Variants in HSPA9 observed in about 807,000 individuals in gnomAD.
HSPA9 encodes the protein heat shock protein family A (Hsp70) member 9, also known as stress-70 protein, mitochondrial.
In HSPA9, 28 loss-of-function variants were observed where a neutral mutation model predicts 81.5. The ratio of observed to expected loss-of-function variants is 0.34; its 90% CI spans 0.25 to 0.47. The LOEUF (loss-of-function observed/expected upper bound fraction) is 0.47, where lower values mean the gene tolerates loss of function less well. HSPA9 is among the 20% of genes least tolerant of loss of function. HSPA9 has a pLI of 1.00. For missense variants in HSPA9, 678 were observed against 838.0 expected (o/e 0.81, Z 2.36); for synonymous variants, 293 against 290.4 (o/e 1.01, Z -0.09).
chr5:138,571,997 C>T (rs376818357), intron 3 of HSPA9, among the ~76,000 whole-genome samples: 2 of 139,352 alleles, frequency 1.4e-5, no homozygotes, highest in African/African-American at 5.6e-5. Flanking sequence ...CTCACTGTCA[C>T]CTAGGCTGGA....
chr5:138,561,085 G>A (rs768057642), intron 10 of HSPA9: 20 of 497,430 alleles, frequency 4.0e-5, no homozygotes, highest in South Asian at 2.9e-4. Context: ...TCAGAATGAT[G>A]TGTTGAATAA....
chr5:138,558,443 C>G, intron 12 of HSPA9, 110 bp downstream of exon 12: 1 of 787,568 alleles, frequency 1.3e-6, no homozygotes, highest in Non-Finnish European at 2.3e-6. Flanking sequence ...CTCAAGACTA[C>G]TCAGTATGTA....
At chr5:138,561,996 T>C (rs1447054817) in intron 9 of HSPA9, among the ~76,000 whole-genome samples, 1 of 151,620 alleles carries the variant, frequency 6.6e-6, no homozygotes, top group Admixed American at 6.6e-5. Context: ...TGGAGTGCAG[T>C]GGCATGATCT....
At position 138,559,102 on chromosome 5, in the gene HSPA9, A is replaced by ATT. The variant is rs34616432; in HGVS notation, c.1411-447_1411-446dup. ...ACAAGATTGGGTAAGTCAGGAAATA[A>ATT]TTTTTTTTTTTTTTTTGAGACAAGA... On this transcript the variant is annotated intron_variant, in intron 11 of 16. Coordinates refer to ENST00000297185, the MANE Select transcript of HSPA9 (RefSeq NM_004134.7). 4.4e-3 allele frequency: 781 copies of ATT among 176,946 alleles called. 8 individuals are homozygous for ATT. The highest frequency in any genetic ancestry group is 0.015 in the African/African-American group (609 of 39,924). 11.0% of individuals were successfully genotyped at this position (176,946 alleles called of 1,614,324 possible).
chr5:138,563,209 C>T (rs537472349), intron 9 of HSPA9, among the ~76,000 whole-genome samples: 1 of 152,310 alleles, frequency 6.6e-6, no homozygotes, highest in Admixed American at 6.5e-5. Context: ...AATGAAAATG[C>T]TCCTTATGCT....
rs2127154337 is a variant in HSPA9, at chr5:138,559,982, T to A, written c.1292A>T (p.Asp431Val). ...AAIQGGVLAG[D>V]VTDVLLLDVT... Reference sequence around the variant, plus strand: ...ATCAAGGAGCAGCACATCCGTGACATCGCCGGCCAACACACCTCCCTGAAT... The same window carrying A: ...ATCAAGGAGCAGCACATCCGTGACAACGCCGGCCAACACACCTCCCTGAAT... Residue 431 changes from aspartate (D) to valine (V), a missense_variant, in exon 11 of 17, where the codon GAT (aspartate) becomes GTT (valine). Physicochemically the swap from Asp to Val is radical, Grantham distance 152. Transcript: ENST00000297185. 6.2e-7 allele frequency: 1 copy of A among 1,614,086 alleles called. No homozygotes were observed. Among genetic ancestry groups the A allele is most frequent in the African/African-American group, 1.3e-5 (1 of 75,016 alleles).
At chr5:138,561,188 G>A in intron 10 of HSPA9, 1 of 415,676 alleles carries the variant, frequency 2.4e-6, no homozygotes, top group Non-Finnish European at 5.0e-6. Flanking sequence ...GTATTACCAA[G>A]GTTTTATGTT....
chr5:138,574,617 A>T (rs1048529294), intron 1 of HSPA9, among the ~76,000 whole-genome samples: 1 of 152,236 alleles, frequency 6.6e-6, no homozygotes, highest in African/African-American at 2.4e-5. Flanking sequence ...ACTTAACCTC[A>T]GGCTCCTTCC....
At chr5:138,561,462 A>G (rs1750659442) in intron 10 of HSPA9, 118 bp downstream of exon 10, 1 of 787,792 alleles carries the variant, frequency 1.3e-6, no homozygotes, top group African/African-American at 1.7e-5. Context: ...TGAGTATATA[A>G]TCTCATCTCC....
In HSPA9 at chr5:138,556,042, G is replaced by A; in HGVS notation, c.2035C>T (p.Gln679Ter). ...CTTCAAAATTTCTGCTATTATTACT[G>A]TTTTTCCTCCTTTTGATCTTCCTTT... The part of the protein sequence containing the change: ...EQKEDQKEEK[Q>*] The change falls in exon 17 of 17, where the codon CAG becomes TAG. Residue 679 changes from glutamine (Q) to a stop codon, truncating the protein, a stop_gained. Coordinates refer to ENST00000297185, the MANE Select transcript of HSPA9 (RefSeq NM_004134.7). LOFTEE classifies it high-confidence loss of function. 1.9e-6 allele frequency: 3 copies of A among 1,610,782 alleles called. No individual in the cohort carries two copies. The highest frequency in any genetic ancestry group is 2.5e-6 in the Non-Finnish European group (3 of 1,177,252).
Position 138,575,392 on chromosome 5 carries a change from C to G in HSPA9, c.-74G>C, listed in dbSNP as rs564220983. 7.5e-7 allele frequency: 1 copy of G among 1,331,154 alleles called. No individual in the cohort carries two copies. The highest frequency in any genetic ancestry group is 2.3e-5 in the East Asian group (1 of 42,960). The allele number at this position is 1,331,154 out of a possible 1,614,324, so 82.5% of individuals were successfully genotyped here. ...AAAGAGCTGCGCGATGCGGTGGCGG[C>G]AGCGCTTCTGGAAACCTCCAACCAC... On this transcript the variant is annotated 5_prime_UTR_variant, in exon 1 of 17. Coordinates refer to ENST00000297185, the MANE Select transcript of HSPA9 (RefSeq NM_004134.7).
intron 4 of HSPA9, chr5:138,570,706 A>C: frequency 2.3e-6 from 1 of 429,062 alleles, no homozygotes; most frequent in South Asian, 2.1e-5. Context: ...GCTGGTCTTG[A>C]ACTCCTGACT....
chr5:138,556,711 A>C, intron 15 of HSPA9, 63 bp downstream of exon 15: 2 of 1,561,366 alleles, frequency 1.3e-6, no homozygotes, highest in Non-Finnish European at 1.8e-6. Flanking sequence ...ACAGAAAAAT[A>C]AACTTCACTG....
chr5:138,564,368 T>C (rs1452719666), intron 9 of HSPA9, among the ~76,000 whole-genome samples: 1 of 152,240 alleles, frequency 6.6e-6, no homozygotes, highest in African/African-American at 2.4e-5. Flanking sequence ...CCTCCCAAAG[T>C]GCTGAGATTA....
At chr5:138,557,757 G>T in intron 13 of HSPA9, 112 bp downstream of exon 13, 4 of 822,712 alleles carry the variant, frequency 4.9e-6, no homozygotes, top group Non-Finnish European at 8.7e-6. Context: ...CATTACACTT[G>T]TACAAGTAAA....
In HSPA9 at chr5:138,555,886, A is replaced by C; in HGVS notation, c.*151T>G. 1.5e-6 allele frequency: 1 copy of C among 669,328 alleles called. No individual in the cohort carries two copies. The highest frequency in any genetic ancestry group is 2.7e-6 in the Non-Finnish European group (1 of 373,678). The allele number at this position is 669,328 out of a possible 1,614,324, so 41.5% of individuals were successfully genotyped here. A position where few individuals can be genotyped will look rare whatever the true frequency, so the allele number is the denominator to read the frequency against. ...CTGTCCATTAAATGATCACTAGCTA[A>C]TGGTCACTAAATTTACAAATTAAGG... On this transcript the variant is annotated 3_prime_UTR_variant, in exon 17 of 17. Coordinates refer to ENST00000297185, the MANE Select transcript of HSPA9 (RefSeq NM_004134.7).
chr5:138,574,078 G>T lies in HSPA9; in HGVS notation c.130C>A (p.Arg44=). ...SHEAFRLVSR[R]DYASEAIKGA... ...TGATATTATACTTACGCATAATCCCGCCTTGAAACAAGTCTAAAAGCCTCA... is the reference window on the plus strand; with the variant it reads ...TGATATTATACTTACGCATAATCCCTCCTTGAAACAAGTCTAAAAGCCTCA... The change falls in exon 2 of 17, where the codon CGG becomes AGG. Residue 44 remains arginine (R), a synonymous_variant. Coordinates refer to ENST00000297185, the MANE Select transcript of HSPA9 (RefSeq NM_004134.7). The T allele has an allele frequency of 6.2e-7, 1 of 1,612,974 alleles. No homozygotes were observed. Among genetic ancestry groups the T allele is most frequent in the Non-Finnish European group, 8.5e-7 (1 of 1,179,126 alleles).
At chr5:138,558,008 G>GT in intron 12 of HSPA9, 22 bp from the exon 13 acceptor site, 1 of 1,484,274 alleles carries the variant, frequency 6.7e-7, no homozygotes, top group Non-Finnish European at 9.4e-7. Flanking sequence ...AATATCCAGA[G>GT]TAAGGTCCTC....
intron 9 of HSPA9, among the ~76,000 whole-genome samples, chr5:138,565,951 C>A (rs866798866): frequency 3.9e-5 from 6 of 152,076 alleles, no homozygotes; most frequent in African/African-American, 1.4e-4. Context: ...TTTGGGAGGC[C>A]GAGGCAGGTC....
Sources: gnomAD v4.1 joint callset for allele counts (sites outside exome capture counted in the v4.1 genomes callset) on GRCh38, gnomAD v4.1.1 for gene constraint, MANE v1.5 for transcripts, NCBI Gene and HGNC (gene_info 2026-07-23, HGNC 2026-07-21) for gene names.